Variants in CYRIB observed in about 807,000 individuals in gnomAD.
The protein encoded by CYRIB is CYFIP-related Rac1 interactor B.
A neutral mutation model predicts 44.2 loss-of-function variants in CYRIB; 8 were observed. The ratio of observed to expected loss-of-function variants is 0.18; its 90% CI spans 0.11 to 0.33. The LOEUF (loss-of-function observed/expected upper bound fraction) is 0.33. Among genes scored for constraint, CYRIB ranks in the 10% least tolerant of loss-of-function variants. The pLI, the probability that CYRIB is intolerant of heterozygous loss-of-function variation, is 1.00. For missense variants in CYRIB, 185 were observed against 382.8 expected, an observed-to-expected ratio of 0.48 and a Z score of 4.31; for synonymous variants, 131 against 127.2, an observed-to-expected ratio of 1.03 and a Z score of -0.20.
At chr8:129,987,966 C>T (rs767281963) in intron 1 of CYRIB, among the ~76,000 whole-genome samples, 23 of 152,232 alleles carry the variant, frequency 1.5e-4, no homozygotes, top group Non-Finnish European at 3.2e-4. Context: ...CCACCATCAG[C>T]TGACCCTGAT....
chr8:129,986,676 CA>C (rs930630865), intron 1 of CYRIB, among the ~76,000 whole-genome samples: 6 of 152,284 alleles, frequency 3.9e-5, no homozygotes, highest in African/African-American at 1.4e-4. Flanking sequence ...ACAGATTCCC[CA>C]CCAGCAAGAA....
intron 1 of CYRIB, among the ~76,000 whole-genome samples, chr8:129,983,174 A>G (rs1406064837): frequency 6.6e-6 from 1 of 152,172 alleles, no homozygotes; most frequent in Non-Finnish European, 1.5e-5. Context: ...GGCCGGGCGC[A>G]GTGGCTCACG....
chr8:129,850,759 T>A lies in CYRIB; in HGVS notation c.713+76A>T, dbSNP rs145263932. 4.4e-4 allele frequency: 439 copies of A among 1,004,534 alleles called. 2 individuals are homozygous for A. In the African/African-American group the frequency reaches 6.2e-3, roughly 14 times the overall value. The allele number at this position is 1,004,534 out of a possible 1,614,324, so 62.2% of individuals were successfully genotyped here. On this transcript the variant is annotated intron_variant, in intron 9 of 11. Coordinates refer to ENST00000519824, the Ensembl canonical transcript of CYRIB. The stretch of plus-strand genomic sequence containing the variant: ...TTCCAGATAAAACATGTTAACATGT[T>A]CATATATGAACATGTTTTGAAATAT...
intron 1 of CYRIB, among the ~76,000 whole-genome samples, chr8:129,993,907 A>G (rs972480950): frequency 3.3e-5 from 5 of 150,070 alleles, no homozygotes; most frequent in African/African-American, 1.2e-4. Flanking sequence ...ACCTCTGCCT[A>G]CCTCCCTCAA....
chr8:130,006,501 T>G (rs1345822697), intron 1 of CYRIB, among the ~76,000 whole-genome samples: 6 of 138,840 alleles, frequency 4.3e-5, no homozygotes, highest in Non-Finnish European at 9.2e-5. Context: ...ATTTATTTAT[T>G]TGGGAGGCCG....
At chr8:129,875,190 T>A (rs2058679578) in intron 3 of CYRIB, among the ~76,000 whole-genome samples, 1 of 151,984 alleles carries the variant, frequency 6.6e-6, no homozygotes, top group South Asian at 2.1e-4. Flanking sequence ...GTCATTAGAA[T>A]AAGCTATAAA....
At chr8:129,840,339 C>T (rs2035765347) in exon 12 of CYRIB, 1 of 152,310 alleles carries the variant, frequency 6.6e-6, no homozygotes, top group African/African-American at 2.4e-5. Flanking sequence ...ATCTCTGCCT[C>T]CATCTTCCCA....
chr8:129,988,654 A>C (rs916589079), intron 1 of CYRIB, among the ~76,000 whole-genome samples: 1 of 152,104 alleles, frequency 6.6e-6, no homozygotes, highest in Non-Finnish European at 1.5e-5. Flanking sequence ...GGACCTCATA[A>C]ACATAGCTTC....
chr8:129,866,067 G>C (rs1265884276), intron 4 of CYRIB, among the ~76,000 whole-genome samples: 1 of 152,174 alleles, frequency 6.6e-6, no homozygotes, highest in Non-Finnish European at 1.5e-5. Flanking sequence ...ACAGGCTACA[G>C]AGAAAAGTCA....
chr8:129,946,211 TA>T (rs1291216181), intron 2 of CYRIB, among the ~76,000 whole-genome samples: 1 of 152,216 alleles, frequency 6.6e-6, no homozygotes, highest in African/African-American at 2.4e-5. Context: ...CCTGATTTGT[TA>T]TTGCCCAATT....
intron 2 of CYRIB, among the ~76,000 whole-genome samples, chr8:129,955,954 G>T (rs2094802414): frequency 6.6e-6 from 1 of 152,186 alleles, no homozygotes; most frequent in Non-Finnish European, 1.5e-5. Context: ...TGGTAACAAA[G>T]AACACCTAAA....
intron 1 of CYRIB, among the ~76,000 whole-genome samples, chr8:129,930,142 C>T (rs1328329116): frequency 1.3e-5 from 2 of 151,102 alleles, no homozygotes; most frequent in African/African-American, 2.4e-5. Flanking sequence ...ACCCGGGAGG[C>T]GGAGCTTGCA....
chr8:129,879,497 G>GAA, intron 2 of CYRIB, 26 bp from the exon 5 acceptor site: 1 of 1,462,752 alleles, frequency 6.8e-7, no homozygotes, highest in Non-Finnish European at 9.4e-7. Context: ...TGAGAAAAGA[G>GAA]AAAATATCCC....
intron 1 of CYRIB, among the ~76,000 whole-genome samples, chr8:129,926,075 A>C (rs1314360488): frequency 2.0e-5 from 3 of 152,216 alleles, no homozygotes; most frequent in Admixed American, 1.3e-4. Flanking sequence ...CTTAAAACTC[A>C]CTTTAGAAAT....
intron 2 of CYRIB, among the ~76,000 whole-genome samples, chr8:129,964,485 G>A (rs1456571383): frequency 6.6e-6 from 1 of 152,178 alleles, no homozygotes; most frequent in South Asian, 2.1e-4. Context: ...AAGCAGCTGG[G>A]TTACCCGTTT....
chr8:129,891,232 T>C (rs920533992), intron 2 of CYRIB, among the ~76,000 whole-genome samples: 22 of 152,264 alleles, frequency 1.4e-4, no homozygotes, highest in African/African-American at 5.3e-4. Flanking sequence ...TTGTGGTTTC[T>C]ATTAATATCT....
intron 5 of CYRIB, among the ~76,000 whole-genome samples, chr8:129,861,240 A>G (rs1028218513): frequency 1.6e-4 from 24 of 152,294 alleles, no homozygotes; most frequent in African/African-American, 5.5e-4. Context: ...AAAATCAAAC[A>G]AAGAGCTAAC....
chr8:129,840,780 G>C (rs539191773), exon 12 of CYRIB: 22 of 152,474 alleles, frequency 1.4e-4, no homozygotes, highest in Non-Finnish European at 3.1e-4. Context: ...GGTGTGAAGT[G>C]GGGGAGCAGT....
chr8:129,878,301 A>G (rs1192303768), intron 3 of CYRIB, among the ~76,000 whole-genome samples: 2 of 152,232 alleles, frequency 1.3e-5, no homozygotes, highest in African/African-American at 2.4e-5. Context: ...AAATGGAGAT[A>G]GCTATAAATT....
Sources: gnomAD v4.1 joint callset for allele counts (sites outside exome capture counted in the v4.1 genomes callset) on GRCh38, gnomAD v4.1.1 for gene constraint, MANE v1.5 for transcripts, NCBI Gene and HGNC (gene_info 2026-07-23, HGNC 2026-07-21) for gene names.